ATP11C: variants seen among roughly 807,000 people sequenced by gnomAD.
ATP11C encodes phospholipid-transporting ATPase IG.
ATP11C carries 36 observed loss-of-function variants against 97.4 expected under a neutral mutation model. That is an observed-to-expected ratio of 0.37 (90% CI 0.28 to 0.49). The LOEUF (loss-of-function observed/expected upper bound fraction) is 0.49. ATP11C is among the 20% of genes least tolerant of loss of function. The pLI is 0.98. For synonymous variants in ATP11C, 275 were observed against 290.9 expected (o/e 0.95, Z 0.56); for missense variants, 730 against 824.6 (o/e 0.89, Z 1.40).
intron 12 of ATP11C, among the ~76,000 whole-genome samples, chrX:139,790,928 T>C (rs907648400): frequency 2.7e-5 from 3 of 111,688 alleles, no homozygotes; most frequent in Non-Finnish European, 3.8e-5. Flanking sequence ...TCTCGGTTTT[T>C]ATCTCTTCTA....
chrX:139,820,684 CCAGAACTCTTAGGCCAACTGTCAACTG>C (rs2083390260), intron 2 of ATP11C, among the ~76,000 whole-genome samples: 1 of 109,998 alleles, frequency 9.1e-6, no homozygotes, highest in South Asian at 4.0e-4. Context: ...TTGCACACGG[CCAGAACTCTTAGGCCAACTGTCAACTG>C]CAGAACTCTT....
intron 1 of ATP11C, among the ~76,000 whole-genome samples, chrX:139,881,176 C>A (rs919195174): frequency 9.0e-6 from 1 of 111,613 alleles, no homozygotes. Context: ...CTGATTGAAA[C>A]CTCACAGCAA....
At chrX:139,815,625 T>C (rs2083270507) in intron 4 of ATP11C, among the ~76,000 whole-genome samples, 1 of 112,215 alleles carries the variant, frequency 8.9e-6, no homozygotes, top group African/African-American at 3.2e-5. Flanking sequence ...TCATTTTACT[T>C]TGGACTTTTC....
At chrX:139,875,766 T>G (rs1308290584) in intron 1 of ATP11C, among the ~76,000 whole-genome samples, 2 of 111,874 alleles carry the variant, frequency 1.8e-5, no homozygotes, top group Non-Finnish European at 3.8e-5. Context: ...ACAGATATTA[T>G]CTCATAAAAT....
intron 1 of ATP11C, among the ~76,000 whole-genome samples, chrX:139,919,943 C>T (rs2085228849): frequency 9.0e-6 from 1 of 111,375 alleles, no homozygotes; most frequent in South Asian, 3.8e-4. Context: ...AAAGAAAGGA[C>T]AAAAATGTTC....
chrX:139,775,048 C>A, intron 18 of ATP11C, 95 bp from the exon 19 acceptor site: 1 of 930,074 alleles, frequency 1.1e-6, no homozygotes, highest in Non-Finnish European at 1.4e-6. Context: ...TAATTCACAG[C>A]AATTCTAGAG....
chrX:139,757,411 C>T (rs994320658), intron 23 of ATP11C, among the ~76,000 whole-genome samples: 1 of 111,778 alleles, frequency 8.9e-6, no homozygotes, highest in African/African-American at 3.2e-5. Context: ...CCAAAGCTTT[C>T]TCTAGGAATC....
chrX:139,790,861 A>T (rs1224495363), intron 12 of ATP11C, among the ~76,000 whole-genome samples: 1 of 112,072 alleles, frequency 8.9e-6, no homozygotes, highest in Non-Finnish European at 1.9e-5. Flanking sequence ...AATGGAAAAT[A>T]TAAGCCAAGA....
intron 5 of ATP11C, among the ~76,000 whole-genome samples, chrX:139,805,380 G>A (rs1055932424): frequency 1.8e-5 from 2 of 111,734 alleles, no homozygotes; most frequent in African/African-American, 3.2e-5. Context: ...TGTCTTAGAC[G>A]ATTGCAACTA....
At chrX:139,738,410 C>T (rs771962214) in intron 27 of ATP11C, among the ~76,000 whole-genome samples, 13 of 112,025 alleles carry the variant, frequency 1.2e-4, no homozygotes, top group South Asian at 3.7e-4. Context: ...TTTATCCTAA[C>T]AAGCATTTTA....
chrX:139,804,770 G>C (rs985326073), intron 5 of ATP11C, among the ~76,000 whole-genome samples, 171 bp from the exon 6 acceptor site: 2 of 112,287 alleles, frequency 1.8e-5, no homozygotes, highest in African/African-American at 6.5e-5. Context: ...TCAATATTCA[G>C]AATCCTCTTT....
intron 24 of ATP11C, 23 bp downstream of exon 24, chrX:139,750,002 T>G (rs2081777053): frequency 8.5e-7 from 1 of 1,177,132 alleles, no homozygotes; most frequent in Non-Finnish European, 1.1e-6. Flanking sequence ...TCTTAGGGGG[T>G]TTTAACTATA....
chrX:139,887,538 G>C (rs970031640), intron 1 of ATP11C, among the ~76,000 whole-genome samples: 1 of 111,476 alleles, frequency 9.0e-6, no homozygotes, highest in Admixed American at 9.6e-5. Context: ...TGAGGTAGGA[G>C]GATTGCTTGA....
chrX:139,860,283 C>A (rs758879464), intron 1 of ATP11C, among the ~76,000 whole-genome samples: 1 of 111,107 alleles, frequency 9.0e-6, no homozygotes, highest in South Asian at 3.8e-4. Flanking sequence ...TATGCCAACT[C>A]TCCTTGCATA....
chrX:139,773,229 C>T (rs138063438), intron 19 of ATP11C, among the ~76,000 whole-genome samples: 271 of 111,397 alleles, frequency 2.4e-3, no homozygotes, highest in African/African-American at 7.8e-3. Context: ...TGAGGCCTCC[C>T]CAACCATGCA....
chrX:139,838,268 C>T (rs2083776566), intron 1 of ATP11C, among the ~76,000 whole-genome samples: 1 of 111,946 alleles, frequency 8.9e-6, no homozygotes, highest in African/African-American at 3.3e-5. Context: ...GAATCCAATT[C>T]TGTCCAATAT....
At chrX:139,750,192 G>C (rs1569431827) in intron 23 of ATP11C, 40 bp from the exon 24 acceptor site, 2 of 1,133,481 alleles carry the variant, frequency 1.8e-6, no homozygotes, top group Non-Finnish European at 2.4e-6. Context: ...GAAATTTCAT[G>C]TAACAATCAT....
chrX:139,794,304 TA>T (rs955561510), intron 12 of ATP11C, among the ~76,000 whole-genome samples: 6 of 112,281 alleles, frequency 5.3e-5, no homozygotes, highest in Non-Finnish European at 9.4e-5. Context: ...TTTAGTAACA[TA>T]AAAAGTTACA....
intron 1 of ATP11C, among the ~76,000 whole-genome samples, chrX:139,841,995 T>C (rs2083839619): frequency 8.9e-6 from 1 of 112,228 alleles, no homozygotes; most frequent in Non-Finnish European, 1.9e-5. Flanking sequence ...TTGCCTTGCA[T>C]TGCCCTGCCC....
Sources: allele counts gnomAD v4.1 joint callset (sites outside exome capture counted in the v4.1 genomes callset), GRCh38; gene constraint gnomAD v4.1.1; transcripts MANE v1.5; gene names NCBI Gene and HGNC (gene_info 2026-07-23, HGNC 2026-07-21).